The following HMCN1 variants were observed in gnomAD, a reference collection of about 807,000 sequenced individuals.
The protein encoded by HMCN1 is hemicentin-1.
A neutral mutation model predicts 625.9 loss-of-function variants in HMCN1; 321 were observed. That is an observed-to-expected ratio of 0.51 (90% CI 0.47 to 0.56). The LOEUF is 0.56. HMCN1 is among the 20% of genes least tolerant of loss of function. The pLI, the probability that HMCN1 is intolerant of heterozygous loss-of-function variation, is 0.00. For missense variants in HMCN1, 6,588 were observed against 6,887.3 expected (o/e 0.96, Z 1.54); for synonymous variants, 2,425 against 2,417.6 (o/e 1.00, Z -0.09).
Position 186,125,584 on chromosome 1 carries a change from CTT to C in HMCN1, c.12500-15_12500-14del. On this transcript the variant is annotated intron_variant, in intron 81 of 106. Transcript: ENST00000271588. ...ATTGAACTCAGCTTCCTGGATGACT[CTT>C]TTTTAAACTCTTCATAGTACCACCC... 6.3e-7 allele frequency: 1 copy of C among 1,598,976 alleles called. No individual in the cohort carries two copies. The highest frequency in any genetic ancestry group is 1.3e-5 in the African/African-American group (1 of 74,640).
intron 76 of HMCN1, 141 bp downstream of exon 76, chr1:186,117,256 T>C: frequency 8.2e-7 from 1 of 1,220,266 alleles, no homozygotes; most frequent in Non-Finnish European, 1.2e-6. Flanking sequence ...GTTCGTTATA[T>C]GGGTAAACTA....
chr1:185,963,249 G>A (rs1650156435), intron 12 of HMCN1, among the ~76,000 whole-genome samples: 1 of 152,150 alleles, frequency 6.6e-6, no homozygotes, highest in African/African-American at 2.4e-5. Flanking sequence ...GTTTGGCAGT[G>A]AAGAAGTCAT....
Position 186,117,546 on chromosome 1 carries a change from C to T in HMCN1, c.11771C>T (p.Pro3924Leu), listed in dbSNP as rs1309057794. 6.2e-7 allele frequency: 1 copy of T among 1,613,866 alleles called. No homozygotes were observed. Residue 3924 changes from proline (P) to leucine (L), a missense_variant, in exon 77 of 107, where the codon CCA (proline) becomes CTA (leucine). Pro to Leu is a moderately conservative substitution (Grantham distance 98). Around this residue, in one of 3 missense-constraint regions of HMCN1, gnomAD observed 4,628 missense variants for 4,853.1 expected, o/e 0.95. Coordinates refer to ENST00000271588, the MANE Select transcript of HMCN1 (RefSeq NM_031935.3). The stretch of plus-strand genomic sequence containing the variant: ...ATTACCTGCACTGCTTCGGGAGTTC[C>T]ATTTCCCTCAATTCACTGGACCAAA... ...AVITCTASGV[P>L]FPSIHWTKNG...
Position 186,087,536 on chromosome 1 carries a change from C to T in HMCN1, c.9254C>T (p.Ala3085Val). 6.2e-7 allele frequency: 1 copy of T among 1,613,274 alleles called. No homozygotes were observed. Among genetic ancestry groups the T allele is most frequent in the Non-Finnish European group, 8.5e-7 (1 of 1,179,460 alleles). The change falls in exon 60 of 107, where the codon GCT becomes GTT. Residue 3085 changes from alanine to valine, a missense_variant. By Grantham distance (64) the Ala-to-Val change is moderately conservative (BLOSUM62 0). This residue lies in a region of HMCN1 where 4,628 missense variants were observed against 4,853.1 expected (regional missense o/e 0.95). Coordinates refer to ENST00000271588, the MANE Select transcript of HMCN1 (RefSeq NM_031935.3). ...TSVSLECESN[A>V]VPPPVITWYK... ...GTGTCTTTGGAGTGTGAGTCGAACGCTGTGCCACCTCCAGTCATCACTTGG... is the reference window on the plus strand; with the variant it reads ...GTGTCTTTGGAGTGTGAGTCGAACGTTGTGCCACCTCCAGTCATCACTTGG...
intron 1 of HMCN1, among the ~76,000 whole-genome samples, chr1:185,769,464 A>T (rs1300443106): frequency 6.6e-6 from 1 of 152,044 alleles, no homozygotes; most frequent in African/African-American, 2.4e-5. Context: ...GAAAGAAAAG[A>T]TGTTATAATA....
intron 36 of HMCN1, among the ~76,000 whole-genome samples, chr1:186,036,263 G>A (rs748250854): frequency 2.0e-5 from 3 of 152,176 alleles, no homozygotes; most frequent in East Asian, 1.9e-4. Context: ...TCATGCTGCC[G>A]ATAAAGACAT....
chr1:186,087,476 C>A lies in HMCN1; in HGVS notation c.9194C>A (p.Ser3065Tyr). Residue 3065 changes from serine (S) to tyrosine (Y), a missense_variant, in exon 60 of 107, where the codon TCT becomes TAT. Around this residue, in one of 3 missense-constraint regions of HMCN1, gnomAD observed 4,628 missense variants for 4,853.1 expected, o/e 0.95. Transcript: ENST00000271588. ...PPSIKDHDSESLSVVNVREGT... is the reference protein window; with the variant it reads ...PPSIKDHDSEYLSVVNVREGT... ...AGCATTAAAGACCATGACAGTGAATCTCTTTCTGTAGTTAATGTAAGAGAG... is the reference window on the plus strand; with the variant it reads ...AGCATTAAAGACCATGACAGTGAATATCTTTCTGTAGTTAATGTAAGAGAG... The A allele has an allele frequency of 6.2e-7, 1 of 1,613,206 alleles. No individual in the cohort carries two copies.
At chr1:186,125,867 C>A in intron 82 of HMCN1, 73 bp downstream of exon 82, 1 of 1,119,310 alleles carries the variant, frequency 8.9e-7, no homozygotes, top group Non-Finnish European at 1.3e-6. Flanking sequence ...AGTAATTTAG[C>A]ATGGAAGTAT....
intron 40 of HMCN1, among the ~76,000 whole-genome samples, chr1:186,042,138 C>G (rs561706288): frequency 9.9e-5 from 15 of 152,148 alleles, no homozygotes; most frequent in Non-Finnish European, 1.5e-5. Context: ...GCAAAGGGTT[C>G]TCTATGTTCC....
chr1:186,058,650 G>T (rs1324632483), intron 46 of HMCN1, among the ~76,000 whole-genome samples: 1 of 151,892 alleles, frequency 6.6e-6, no homozygotes, highest in Non-Finnish European at 1.5e-5. Flanking sequence ...GTATATGGAA[G>T]ATTCTAGGGA....
In HMCN1 at chr1:186,178,623, C is replaced by T. The variant is rs1652747495; in HGVS notation, c.16151C>T (p.Pro5384Leu). ...TCCCCTGTGAGAAACAACTATCAAC[C>T]TCAACAGCATTACAGACAGTACTCA... ...RFSPVRNNYQPQQHYRQYSHL... is the reference protein window; with the variant it reads ...RFSPVRNNYQLQQHYRQYSHL... Residue 5384 changes from proline (P) to leucine (L), a missense_variant, in exon 104 of 107, where the codon CCT becomes CTT. Around this residue, in one of 3 missense-constraint regions of HMCN1, gnomAD observed 1,954 missense variants for 2,013.1 expected, o/e 0.97. Coordinates refer to ENST00000271588, the MANE Select transcript of HMCN1 (RefSeq NM_031935.3). The T allele has an allele frequency of 6.2e-7, 1 of 1,613,992 alleles. No individual in the cohort carries two copies. Among genetic ancestry groups the T allele is most frequent in the Non-Finnish European group, 8.5e-7 (1 of 1,179,990 alleles).
At chr1:185,803,760 C>T (rs1217886238) in intron 1 of HMCN1, among the ~76,000 whole-genome samples, 2 of 152,076 alleles carry the variant, frequency 1.3e-5, no homozygotes, top group African/African-American at 4.8e-5. Context: ...TTCTTATCCT[C>T]TCCTAACAAC....
intron 80 of HMCN1, among the ~76,000 whole-genome samples, chr1:186,120,508 T>G (rs560796178): frequency 6.6e-6 from 1 of 152,204 alleles, no homozygotes. Context: ...ACTTAAAAAA[T>G]CATAATCGCA....
At chr1:186,014,712 ACT>A (rs1159127686) in intron 30 of HMCN1, among the ~76,000 whole-genome samples, 9 of 151,906 alleles carry the variant, frequency 5.9e-5, no homozygotes, top group African/African-American at 2.2e-4. Context: ...AAAATTGAAG[ACT>A]CTGCAGCTAT....
chr1:186,167,142 G>T (rs528543963), intron 100 of HMCN1, among the ~76,000 whole-genome samples, 200 bp downstream of exon 100: 1 of 152,278 alleles, frequency 6.6e-6, no homozygotes, highest in South Asian at 2.1e-4. Context: ...TATAAGTTGA[G>T]CTTCTTCATA....
At chr1:185,833,249 A>C (rs1660976179) in intron 1 of HMCN1, among the ~76,000 whole-genome samples, 1 of 152,202 alleles carries the variant, frequency 6.6e-6, no homozygotes, top group Non-Finnish European at 1.5e-5. Context: ...TCCACCAGAA[A>C]AATACCTTCT....
At chr1:186,025,269 G>A (rs1267073260) in intron 36 of HMCN1, among the ~76,000 whole-genome samples, 4 of 152,064 alleles carry the variant, frequency 2.6e-5, no homozygotes, top group Admixed American at 6.5e-5. Context: ...TTCCTAACCA[G>A]CCATCAACTG....
intron 89 of HMCN1, 58 bp downstream of exon 89, chr1:186,138,030 A>G: frequency 6.4e-7 from 1 of 1,572,786 alleles, no homozygotes; most frequent in Non-Finnish European, 8.7e-7. Context: ...AACCCCTATG[A>G]AAGAATTACA....
At chr1:186,017,355 G>C (rs1419442872) in intron 33 of HMCN1, among the ~76,000 whole-genome samples, 2 of 151,994 alleles carry the variant, frequency 1.3e-5, no homozygotes, top group Non-Finnish European at 2.9e-5. Flanking sequence ...AATTCACAGA[G>C]ACAGTCTATT....
Sources: gnomAD v4.1 joint callset for allele counts (sites outside exome capture counted in the v4.1 genomes callset) on GRCh38, gnomAD v4.1.1 for gene constraint, gnomAD v4.1.1 regional missense constraint, MANE v1.5 for transcripts, NCBI Gene and HGNC (gene_info 2026-07-23, HGNC 2026-07-21) for gene names.